Variants in CMKLR1 observed in about 807,000 individuals in gnomAD.
The protein encoded by CMKLR1 is chemerin chemokine-like receptor 1, also known as chemerin-like receptor 1.
Under a neutral mutation model 8.2 loss-of-function variants are expected in CMKLR1, and 6 were observed. The observed-to-expected ratio is 0.73, with a 90% CI of 0.40 to 1.44. The LOEUF is 1.44. Ranked by LOEUF, CMKLR1 falls within the 40% of genes most tolerant of loss-of-function variation. CMKLR1 has a pLI of 0.02. For synonymous variants in CMKLR1, 178 were observed against 181.2 expected (o/e 0.98, Z 0.14); for missense variants, 429 against 478.0 (o/e 0.90, Z 0.96).
At chr12:108,327,884 T>A (rs1228243921) in intron 2 of CMKLR1, among the ~76,000 whole-genome samples, 1 of 152,110 alleles carries the variant, frequency 6.6e-6, no homozygotes, top group East Asian at 1.9e-4. Flanking sequence ...TGAGAAAGTG[T>A]GGATCAGAGG....
Position 108,330,063 on chromosome 12 carries a change from T to C in CMKLR1, c.-142A>G, listed in dbSNP as rs1032187502. 1 of 152,098 alleles carries C rather than the reference T, an allele frequency of 6.6e-6. No homozygotes were observed. The highest frequency in any genetic ancestry group is 1.5e-5 in the Non-Finnish European group (1 of 68,036). The allele number at this position is 152,098 out of a possible 1,614,324, so 9.4% of individuals were successfully genotyped here. ...CTTGAATCTGCACTGGCATGGTGAGTTGCTGTGACCAACAGAAAGTGGTAG... is the reference window on the plus strand; with the variant it reads ...CTTGAATCTGCACTGGCATGGTGAGCTGCTGTGACCAACAGAAAGTGGTAG... On this transcript the variant is annotated 5_prime_UTR_variant, in exon 2 of 4. Coordinates refer to ENST00000550402, the MANE Select transcript of CMKLR1 (RefSeq NM_001142343.2).
rs112417453 is a variant in CMKLR1 at position 108,288,426 on chromosome 12, C to A, written c.*3415G>T. 6.6e-6 allele frequency: 1 copy of A among 152,330 alleles called. No individual in the cohort carries two copies. The highest frequency in any genetic ancestry group is 6.5e-5 in the Admixed American group (1 of 15,302). The allele number at this position is 152,330 out of a possible 1,614,324, so 9.4% of individuals were successfully genotyped here. ...GTTTGAAGGTCCCTTATGGTTTTCACGATTGGATTCTATCTTCTCCCACCC... is the reference window on the plus strand; with the variant it reads ...GTTTGAAGGTCCCTTATGGTTTTCAAGATTGGATTCTATCTTCTCCCACCC... On this transcript the variant is annotated 3_prime_UTR_variant, in exon 4 of 4. Transcript: ENST00000550402.
At chr12:108,304,205 A>G (rs1187140086) in intron 2 of CMKLR1, among the ~76,000 whole-genome samples, 1 of 151,852 alleles carries the variant, frequency 6.6e-6, no homozygotes, top group African/African-American at 2.4e-5. Flanking sequence ...CCACAGCTAT[A>G]CTCTCCAGGC....
At chr12:108,322,336 C>A (rs1891881258) in intron 2 of CMKLR1, among the ~76,000 whole-genome samples, 1 of 152,178 alleles carries the variant, frequency 6.6e-6, no homozygotes, top group Admixed American at 6.5e-5. Flanking sequence ...TTTAGGGAGA[C>A]ACTGGGGTCC....
At chr12:108,297,686 C>T (rs1053267892) in intron 2 of CMKLR1, among the ~76,000 whole-genome samples, 1 of 152,196 alleles carries the variant, frequency 6.6e-6, no homozygotes, top group African/African-American at 2.4e-5. Context: ...AATCTGACTT[C>T]CAAGGATCCC....
chr12:108,298,412 G>A (rs564114624), intron 2 of CMKLR1, among the ~76,000 whole-genome samples: 9 of 152,318 alleles, frequency 5.9e-5, no homozygotes, highest in African/African-American at 2.2e-4. Flanking sequence ...AGTTCAGCCA[G>A]TGACAGATCC....
At chr12:108,330,825 A>T (rs1020196043) in intron 1 of CMKLR1, among the ~76,000 whole-genome samples, 12 of 152,200 alleles carry the variant, frequency 7.9e-5, no homozygotes, top group African/African-American at 2.9e-4. Flanking sequence ...ATAGTAGAAC[A>T]GCTGAATGGG....
chr12:108,296,197 C>T (rs926697580), intron 2 of CMKLR1, among the ~76,000 whole-genome samples: 15 of 152,144 alleles, frequency 9.9e-5, no homozygotes, highest in African/African-American at 3.6e-4. Flanking sequence ...CTGCCTGCAT[C>T]CACATCCTGG....
At chr12:108,324,190 G>T (rs531800411) in intron 2 of CMKLR1, among the ~76,000 whole-genome samples, 1 of 152,220 alleles carries the variant, frequency 6.6e-6, no homozygotes, top group Non-Finnish European at 1.5e-5. Flanking sequence ...GATCACGCTT[G>T]TTGTAGAACA....
intron 1 of CMKLR1, among the ~76,000 whole-genome samples, chr12:108,336,143 T>C (rs1010653266): frequency 7.9e-5 from 12 of 152,202 alleles, no homozygotes; most frequent in Non-Finnish European, 4.4e-5. Flanking sequence ...TCTAGGTTGG[T>C]AGTTCTCAAG....
At chr12:108,314,051 CA>C (rs1793175599) in intron 2 of CMKLR1, among the ~76,000 whole-genome samples, 2 of 152,100 alleles carry the variant, frequency 1.3e-5, no homozygotes, top group Admixed American at 1.3e-4. Context: ...GGAGGGGTGC[CA>C]CAATATGGTT....
rs1890896478 is a variant in CMKLR1 at position 108,289,464 on chromosome 12, G to A, written c.*2377C>T. ...AGAAAGAGGGAGGCCAGACTCTAAG[G>A]AGGAAAACAGCCGGTTTGAATTGTG... On this transcript the variant is annotated 3_prime_UTR_variant, in exon 4 of 4. Transcript: ENST00000550402. 6.6e-6 allele frequency: 1 copy of A among 152,272 alleles called. No homozygotes were observed. Among genetic ancestry groups the A allele is most frequent in the Non-Finnish European group, 1.5e-5 (1 of 68,070 alleles). 9.4% of individuals were successfully genotyped at this position (152,272 alleles called of 1,614,324 possible).
chr12:108,311,592 C>T (rs1031047388), intron 2 of CMKLR1, among the ~76,000 whole-genome samples: 3 of 152,194 alleles, frequency 2.0e-5, no homozygotes, highest in East Asian at 1.9e-4. Context: ...CACCACTGCG[C>T]TCCAGCCTGG....
At chr12:108,328,783 G>A (rs1892040636) in intron 2 of CMKLR1, among the ~76,000 whole-genome samples, 1 of 152,186 alleles carries the variant, frequency 6.6e-6, no homozygotes, top group Non-Finnish European at 1.5e-5. Flanking sequence ...GCCCAGCCTG[G>A]GTTAGTCTGG....
In CMKLR1 at chr12:108,292,658, T is replaced by TCCATATCA. The variant is rs1175950340; in HGVS notation, c.304_305insTGATATGG (p.Asp102ValfsTer32). 1 of 1,613,958 alleles carries TCCATATCA rather than the reference T, an allele frequency of 6.2e-7. No individual in the cohort carries two copies. Among genetic ancestry groups the TCCATATCA allele is most frequent in the African/African-American group, 1.3e-5 (1 of 74,876 alleles). ...GGCTGTCCCGAAAACCCAGTGGTAG[T>TCCATATCA]CCATGGCGGCATAGGTGATATGGAT... On this transcript the variant is annotated frameshift_variant, in exon 4 of 4. Coordinates refer to ENST00000550402, the MANE Select transcript of CMKLR1 (RefSeq NM_001142343.2). LOFTEE classifies it low-confidence loss of function (END_TRUNC).
At chr12:108,327,831 G>T (rs1030804068) in intron 2 of CMKLR1, among the ~76,000 whole-genome samples, 1 of 152,202 alleles carries the variant, frequency 6.6e-6, no homozygotes, top group African/African-American at 2.4e-5. Context: ...GGGCTTCCTG[G>T]GCCCCGGGAA....
chr12:108,331,799 C>A (rs1380289807), intron 1 of CMKLR1, among the ~76,000 whole-genome samples: 1 of 152,110 alleles, frequency 6.6e-6, no homozygotes, highest in Admixed American at 6.5e-5. Flanking sequence ...AATGTGGCAG[C>A]CTCTAGAAGC....
In CMKLR1 at chr12:108,292,118, A is replaced by G; in HGVS notation, c.845T>C (p.Leu282Pro). 6.2e-7 allele frequency: 1 copy of G among 1,614,136 alleles called. No homozygotes were observed. The highest frequency in any genetic ancestry group is 8.5e-7 in the Non-Finnish European group (1 of 1,180,000). The stretch of plus-strand genomic sequence containing the variant: ...AGGCATGGCAGTGTGGTGGAGCTCT[A>G]GGAGGTTGAGTGTGTGGTAGGGGCA... The part of the protein sequence containing the change: ...CWCPYHTLNL[L>P]ELHHTAMPGS... Residue 282 changes from leucine to proline, a missense_variant, in exon 4 of 4, where the codon CTA becomes CCA. Coordinates refer to ENST00000550402, the MANE Select transcript of CMKLR1 (RefSeq NM_001142343.2).
intron 1 of CMKLR1, among the ~76,000 whole-genome samples, chr12:108,331,533 C>G (rs189486732): frequency 6.6e-6 from 1 of 152,218 alleles, no homozygotes; most frequent in African/African-American, 2.4e-5. Context: ...CACTGTTAGA[C>G]AGAATAACAG....
Sources: gnomAD v4.1 joint callset for allele counts (sites outside exome capture counted in the v4.1 genomes callset) on GRCh38, gnomAD v4.1.1 for gene constraint, MANE v1.5 for transcripts, NCBI Gene and HGNC (gene_info 2026-07-23, HGNC 2026-07-21) for gene names.